The following SLC25A27 variants were observed in gnomAD, a reference collection of about 807,000 sequenced individuals.
The protein encoded by SLC25A27 is mitochondrial uncoupling protein 4.
SLC25A27 carries 35 observed loss-of-function variants against 49.1 expected under a neutral mutation model. The observed-to-expected ratio is 0.71, with a 90% CI of 0.54 to 0.95. The LOEUF is 0.95. Ranked by LOEUF, SLC25A27 falls within the 40% of genes least tolerant of loss-of-function variation. The pLI, the probability that SLC25A27 is intolerant of heterozygous loss-of-function variation, is 0.00. For synonymous variants in SLC25A27, 144 were observed against 136.9 expected (o/e 1.05, Z -0.36); for missense variants, 339 against 397.1 (o/e 0.85, Z 1.24).
chr6:46,657,100 A>G (rs1763009239), intron 2 of SLC25A27, among the ~76,000 whole-genome samples: 2 of 152,198 alleles, frequency 1.3e-5, no homozygotes, highest in Admixed American at 1.3e-4. Flanking sequence ...CAGGAATTCA[A>G]GGTGGCAGTG....
chr6:46,667,237 C>T (rs759789567), intron 5 of SLC25A27, among the ~76,000 whole-genome samples: 15 of 152,094 alleles, frequency 9.9e-5, no homozygotes, highest in Non-Finnish European at 1.9e-4. Flanking sequence ...GTTCCATATT[C>T]GGTTTGCTGG....
chr6:46,668,483 C>G (rs556361042), intron 5 of SLC25A27, among the ~76,000 whole-genome samples: 1 of 152,134 alleles, frequency 6.6e-6, no homozygotes, highest in Non-Finnish European at 1.5e-5. Flanking sequence ...AGGGGTTGAG[C>G]TGAATTTAGG....
chr6:46,674,070 C>G (rs1044623095), intron 8 of SLC25A27, among the ~76,000 whole-genome samples: 5 of 152,054 alleles, frequency 3.3e-5, no homozygotes, highest in African/African-American at 1.2e-4. Flanking sequence ...TGAGTGAGAC[C>G]ATTGCAGAAA....
Position 46,663,291 on chromosome 6 carries a change from T to C in SLC25A27, c.506+793T>C, listed in dbSNP as rs542245807. Among the ~76,000 whole-genome samples, 13 of 152,278 alleles carry C rather than the reference T, an allele frequency of 8.5e-5. No homozygotes were observed. In the South Asian group the frequency reaches 2.5e-3, roughly 29 times the overall value. On this transcript the variant is annotated intron_variant, in intron 4 of 8. Coordinates refer to ENST00000371347, the MANE Select transcript of SLC25A27 (RefSeq NM_004277.5). ...CCTGTGAACACTCCAGGTCTGCAGCTGAGCCAGAGGCAAAGGAGGGTTTGG... is the reference window on the plus strand; with the variant it reads ...CCTGTGAACACTCCAGGTCTGCAGCCGAGCCAGAGGCAAAGGAGGGTTTGG...
rs148174812 is a variant in SLC25A27 at position 46,658,543 on chromosome 6, A to G, written c.299-419A>G. ...TGCGTACCAAGGTATGTACTAGGGC[A>G]TCTGGGGTAAGTAAAAACAAACACA... On this transcript the variant is annotated intron_variant, in intron 2 of 8. Coordinates refer to ENST00000371347, the MANE Select transcript of SLC25A27 (RefSeq NM_004277.5). 3.1e-3 allele frequency: 1,375 copies of G among 440,462 alleles called. 23 individuals are homozygous for G. Among genetic ancestry groups the G allele is most frequent in the Middle Eastern group, 0.027 (83 of 3,034 alleles). 27.3% of individuals were successfully genotyped at this position (440,462 alleles called of 1,614,324 possible).
At position 46,676,450 on chromosome 6, in the gene SLC25A27, T is replaced by C; in HGVS notation, c.968T>C (p.Phe323Ser). The change falls in exon 9 of 9, where the codon TTT becomes TCT. Residue 323 changes from phenylalanine (F) to serine (S), a missense_variant. Transcript: ENST00000371347. ...KIREMSGVSP[F>S] ...AGAGAGATGAGTGGAGTCAGTCCAT[T>C]TTAAACCCCTAAAGATGCAACCCTT... The C allele has an allele frequency of 6.2e-7, 1 of 1,613,988 alleles. No individual in the cohort carries two copies. The highest frequency in any genetic ancestry group is 8.5e-7 in the Non-Finnish European group (1 of 1,179,868).
chr6:46,669,655 ACTGTT>A (rs1582511990), intron 6 of SLC25A27, among the ~76,000 whole-genome samples: 3 of 152,128 alleles, frequency 2.0e-5, no homozygotes, highest in Admixed American at 6.5e-5. Context: ...TTTTGCATGT[ACTGTT>A]CTATCTTCTT....
At chr6:46,672,309 T>C (rs1368649406) in intron 8 of SLC25A27, among the ~76,000 whole-genome samples, 1 of 149,298 alleles carries the variant, frequency 6.7e-6, no homozygotes, top group Non-Finnish European at 1.5e-5. Context: ...ATGGAGAGAG[T>C]CAAGGGGTGA....
At chr6:46,670,350 C>T (rs1024525736) in intron 7 of SLC25A27, 123 bp downstream of exon 7, 20 of 689,814 alleles carry the variant, frequency 2.9e-5, no homozygotes, top group East Asian at 2.2e-4. Flanking sequence ...GAAAATTGAG[C>T]GCATTTTTTT....
At chr6:46,671,835 T>C (rs1264773356) in intron 8 of SLC25A27, among the ~76,000 whole-genome samples, 5 of 151,926 alleles carry the variant, frequency 3.3e-5, no homozygotes, top group Non-Finnish European at 7.4e-5. Context: ...TTAAGTAATA[T>C]AGCAAATATA....
chr6:46,657,799 T>G (rs1367577813), intron 2 of SLC25A27, among the ~76,000 whole-genome samples: 1 of 152,210 alleles, frequency 6.6e-6, no homozygotes, highest in Non-Finnish European at 1.5e-5. Context: ...AGGACAGAGT[T>G]CACTGCCTAA....
intron 1 of SLC25A27, among the ~76,000 whole-genome samples, chr6:46,655,450 A>G (rs1762939165): frequency 6.6e-6 from 1 of 151,974 alleles, no homozygotes; most frequent in African/African-American, 2.4e-5. Flanking sequence ...GAAAAGCAAA[A>G]ATTAATGACT....
intron 3 of SLC25A27, among the ~76,000 whole-genome samples, chr6:46,659,276 G>T (rs1763084585): frequency 1.3e-5 from 2 of 152,104 alleles, no homozygotes; most frequent in South Asian, 2.1e-4. Context: ...ACTGTTGAAA[G>T]AATTCTTATA....
At chr6:46,658,631 A>G (rs778214944) in intron 2 of SLC25A27, 10 of 386,810 alleles carry the variant, frequency 2.6e-5, no homozygotes, top group Admixed American at 2.0e-4. Context: ...TTAATTTCTA[A>G]TCAATATGAT....
intron 8 of SLC25A27, among the ~76,000 whole-genome samples, chr6:46,675,662 G>T (rs528485142): frequency 6.6e-6 from 1 of 152,152 alleles, no homozygotes; most frequent in South Asian, 2.1e-4. Context: ...TAGATCCAAG[G>T]CACTCTTTCT....
rs538217776 is a variant in SLC25A27, at chr6:46,671,092, G to GA, written c.798-27dup. 3.4e-4 allele frequency: 463 copies of GA among 1,379,084 alleles called. 1 individual carries two copies. The African/African-American group carries it at 5.8e-3, about 17-fold the overall frequency. The allele number at this position is 1,379,084 out of a possible 1,614,324, so 85.4% of individuals were successfully genotyped here. On this transcript the variant is annotated intron_variant, in intron 7 of 8. Coordinates refer to ENST00000371347, the MANE Select transcript of SLC25A27 (RefSeq NM_004277.5). Reference sequence around the variant, plus strand: ...ATGTACATATATATTTTTTTACACAGAAAAAAATTAAAAGGATCTTGTTTC... The same window carrying GA: ...ATGTACATATATATTTTTTTACACAGAAAAAAAATTAAAAGGATCTTGTTTC...
chr6:46,653,299 G>A lies in SLC25A27; in HGVS notation c.106+1G>A. On this transcript the variant is annotated splice_donor_variant, in intron 1 of 8. Transcript: ENST00000371347. LOFTEE classifies it high-confidence loss of function. ...TGCGCGGCTACCGTGGCCGAGCTAG[G>A]TACCCGGCTGCCCACGCCTGGGCCT... The A allele has an allele frequency of 1.2e-6, 2 of 1,610,800 alleles. No individual in the cohort carries two copies. Among genetic ancestry groups the A allele is most frequent in the Non-Finnish European group, 1.7e-6 (2 of 1,178,844 alleles).
intron 2 of SLC25A27, 87 bp downstream of exon 2, chr6:46,656,121 T>G: frequency 2.8e-6 from 3 of 1,056,684 alleles, no homozygotes; most frequent in Non-Finnish European, 4.1e-6. Flanking sequence ...AACAAGTTAG[T>G]TTTTTTATCT....
rs546142480 is a variant in SLC25A27 at position 46,658,521 on chromosome 6, G to A, written c.299-441G>A. On this transcript the variant is annotated intron_variant, in intron 2 of 8. Transcript: ENST00000371347. Reference sequence around the variant, plus strand: ...TTTATTTAATGAAAATGCCTGCTGCGTACCAAGGTATGTACTAGGGCATCT... The same window carrying A: ...TTTATTTAATGAAAATGCCTGCTGCATACCAAGGTATGTACTAGGGCATCT... 365 of 449,934 alleles carry A rather than the reference G, an allele frequency of 8.1e-4. 4 individuals carry two copies. The highest frequency in any genetic ancestry group is 5.0e-3 in the South Asian group (311 of 62,626). 27.9% of individuals were successfully genotyped at this position (449,934 alleles called of 1,614,324 possible). A position where few individuals can be genotyped will look rare whatever the true frequency, so the allele number is the denominator to read the frequency against.
Sources: gnomAD v4.1 joint callset for allele counts (sites outside exome capture counted in the v4.1 genomes callset) on GRCh38, gnomAD v4.1.1 for gene constraint, MANE v1.5 for transcripts, NCBI Gene and HGNC (gene_info 2026-07-23, HGNC 2026-07-21) for gene names.